The following CLIP3 variants were observed in gnomAD, a reference collection of about 807,000 sequenced individuals.
The protein encoded by CLIP3 is CAP-Gly domain-containing linker protein 3.
A neutral mutation model predicts 59.4 loss-of-function variants in CLIP3; 15 were observed. The ratio of observed to expected loss-of-function variants is 0.25; its 90% CI spans 0.17 to 0.39. The LOEUF is 0.39. CLIP3 is among the 10% of genes least tolerant of loss of function. The probability of loss-of-function intolerance (pLI) is 1.00; values close to 1 mark genes in which losing one functional copy is unlikely to be tolerated. For synonymous variants in CLIP3, 300 were observed against 321.6 expected (o/e 0.93, Z 0.72); for missense variants, 495 against 765.7 (o/e 0.65, Z 4.17).
intron 2 of CLIP3, among the ~76,000 whole-genome samples, chr19:36,031,810 T>A (rs559209953): frequency 6.6e-6 from 1 of 152,316 alleles, no homozygotes; most frequent in Admixed American, 6.5e-5. Flanking sequence ...ATGTGAAAAA[T>A]TACATTATGG....
chr19:36,029,675 C>T (rs973836387), intron 2 of CLIP3, among the ~76,000 whole-genome samples: 1 of 152,012 alleles, frequency 6.6e-6, no homozygotes, highest in African/African-American at 2.4e-5. Context: ...TCTCTTCTTC[C>T]CTCACTAGGA....
intron 7 of CLIP3, among the ~76,000 whole-genome samples, chr19:36,023,872 C>G (rs892725957): frequency 6.6e-6 from 1 of 152,082 alleles, no homozygotes; most frequent in Non-Finnish European, 1.5e-5. Context: ...AATTGGAGTC[C>G]CTGGATAAAT....
chr19:36,016,946 C>T lies in CLIP3; in HGVS notation c.1550G>A (p.Arg517Gln), dbSNP rs757632653. 1.1e-5 allele frequency: 18 copies of T among 1,613,846 alleles called. No individual in the cohort carries two copies. The highest frequency in any genetic ancestry group is 4.4e-5 in the South Asian group (4 of 91,048). Residue 517 changes from arginine to glutamine, a missense_variant, in exon 13 of 14, where the codon CGG (arginine) becomes CAG (glutamine). Coordinates refer to ENST00000360535, the MANE Select transcript of CLIP3 (RefSeq NM_015526.3). This position sits in a 1 kb window ranked among gnomAD's most constrained non-coding sequence, Gnocchi z 4.1. ...TQPKRTFTTV[R>Q]TPKDIASENS... ...CTCTGATGCAATGTCCTTTGGGGTCCGGACTGTGGTGAAGGTGCGTTTGGG... is the reference window on the plus strand; with the variant it reads ...CTCTGATGCAATGTCCTTTGGGGTCTGGACTGTGGTGAAGGTGCGTTTGGG...
chr19:36,017,768 A>G lies in CLIP3; in HGVS notation c.1338T>C (p.Tyr446=). The change falls in exon 11 of 14, where the codon TAT becomes TAC. Residue 446 remains tyrosine, a synonymous_variant. Transcript: ENST00000360535. ...GKTDFAPGYW[Y]GIELDQPTGK... ...CTGTGGGCTGGTCCAGCTCAATGCC[A>G]TACCAGTAACCTGCAGCACGAGGGT... is the stretch of plus-strand genomic sequence containing the variant. The G allele has an allele frequency of 6.2e-7, 1 of 1,614,136 alleles. No individual in the cohort carries two copies. Among genetic ancestry groups the G allele is most frequent in the Non-Finnish European group, 8.5e-7 (1 of 1,180,022 alleles).
Position 36,026,148 on chromosome 19 carries a change from C to T in CLIP3, c.680G>A (p.Arg227Lys), listed in dbSNP as rs750679119. 2.5e-6 allele frequency: 4 copies of T among 1,611,732 alleles called. No individual in the cohort carries two copies. The highest frequency in any genetic ancestry group is 3.4e-6 in the Non-Finnish European group (4 of 1,178,292). The change falls in exon 6 of 14, where the codon AGG becomes AAG. Residue 227 changes from arginine to lysine, a missense_variant and splice_region_variant. Physicochemically the swap from Arg to Lys is conservative, Grantham distance 26. This residue lies in a region of CLIP3 where 194 missense variants were observed against 327.8 expected (regional missense o/e 0.59). Transcript: ENST00000360535. The surrounding 1 kb of genome is among the most constrained non-coding windows in gnomAD (Gnocchi z 6.3). ...GGTTCTGGGCAAGGGTGGCAGTACC[C>T]TCAGCGCAGGGTTGGCGCCGTGCTC... ...LLEHGANPAL[R>K]NRKGQVPAEV...
intron 6 of CLIP3, 129 bp from the exon 7 acceptor site, chr19:36,024,761 T>C (rs938262529): frequency 2.3e-6 from 2 of 852,196 alleles, no homozygotes; most frequent in Admixed American, 2.7e-5. Context: ...TGGGCCAACC[T>C]GGGAATAAGA....
Position 36,017,736 on chromosome 19 carries a change from T to G in CLIP3, c.1370A>C (p.His457Pro). The G allele has an allele frequency of 6.2e-7, 1 of 1,614,100 alleles. No homozygotes were observed. Among genetic ancestry groups the G allele is most frequent in the Non-Finnish European group, 8.5e-7 (1 of 1,180,008 alleles). Residue 457 changes from histidine (H) to proline (P), a missense_variant, in exon 11 of 14, where the codon CAT becomes CCT. Transcript: ENST00000360535. ...GIELDQPTGK[H>P]DGSVFGVRYF... ...CCGGACACCGAAGACAGAGCCATCATGCTTGCCTGTGGGCTGGTCCAGCTC... is the reference window on the plus strand; with the variant it reads ...CCGGACACCGAAGACAGAGCCATCAGGCTTGCCTGTGGGCTGGTCCAGCTC...
chr19:36,026,200 A>T lies in CLIP3; in HGVS notation c.628T>A (p.Cys210Ser), dbSNP rs1969101642. The T allele has an allele frequency of 1.2e-6, 2 of 1,613,878 alleles. No individual in the cohort carries two copies. Among genetic ancestry groups the T allele is most frequent in the African/African-American group, 2.7e-5 (2 of 75,038 alleles). ...SALHIAASSL[C>S]LGAAKCLLEH... ...AGCAAACATTTGGCGGCGCCCAGGC[A>T]CAGGCTGGAAGCAGCGATGTGCAGG... The change falls in exon 6 of 14, where the codon TGC becomes AGC. Residue 210 changes from cysteine to serine, a missense_variant. By Grantham distance (112) the Cys-to-Ser change is moderately radical (BLOSUM62 -1). Around this residue, in one of 5 missense-constraint regions of CLIP3, gnomAD observed 194 missense variants for 327.8 expected, o/e 0.59. Transcript: ENST00000360535. This position sits in a 1 kb window ranked among gnomAD's most constrained non-coding sequence, Gnocchi z 6.3.
Position 36,017,825 on chromosome 19 carries a change from C to G in CLIP3, c.1327+23G>C, listed in dbSNP as rs202065926. 1,008 of 1,614,146 alleles carry G rather than the reference C, an allele frequency of 6.2e-4. 3 individuals are homozygous for G. The highest frequency in any genetic ancestry group is 3.1e-4 in the Non-Finnish European group (360 of 1,180,036). On this transcript the variant is annotated intron_variant, in intron 10 of 13. Coordinates refer to ENST00000360535, the MANE Select transcript of CLIP3 (RefSeq NM_015526.3). ...ATTTCTCAAGGCCCTGCCTGCCTCC[C>G]GGCCCAGAGTCCCCATCCTCACCTG...
At position 36,032,003 on chromosome 19, in the gene CLIP3, G is replaced by T; in HGVS notation, c.166+189C>A. The T allele has an allele frequency of 2.5e-6, 1 of 403,712 alleles. No homozygotes were observed. The highest frequency in any genetic ancestry group is 4.4e-6 in the Non-Finnish European group (1 of 225,334). The allele number at this position is 403,712 out of a possible 1,614,324, so 25.0% of individuals were successfully genotyped here. ...TGATGTGTCATGAGTCAAAGACTAGGAGTATTACAATTCCATTCTCCAATG... is the reference window on the plus strand; with the variant it reads ...TGATGTGTCATGAGTCAAAGACTAGTAGTATTACAATTCCATTCTCCAATG... On this transcript the variant is annotated intron_variant, in intron 2 of 13. Coordinates refer to ENST00000360535, the MANE Select transcript of CLIP3 (RefSeq NM_015526.3). The surrounding 1 kb of genome is among the most constrained non-coding windows in gnomAD (Gnocchi z 4.3).
In CLIP3 at chr19:36,026,348, C is replaced by A; in HGVS notation, c.563-83G>T. 7.6e-7 allele frequency: 1 copy of A among 1,319,280 alleles called. No homozygotes were observed. Among genetic ancestry groups the A allele is most frequent in the South Asian group, 1.2e-5 (1 of 80,792 alleles). 81.7% of individuals were successfully genotyped at this position (1,319,280 alleles called of 1,614,324 possible). On this transcript the variant is annotated intron_variant, in intron 5 of 13. Coordinates refer to ENST00000360535, the MANE Select transcript of CLIP3 (RefSeq NM_015526.3). The surrounding 1 kb of genome is among the most constrained non-coding windows in gnomAD (Gnocchi z 6.3). ...TCCCACCTCGGGGCTCATCTCTTAA[C>A]TTGCAGGTCCCAGAGCCTCCGACGC...
At chr19:36,029,306 CAA>C (rs774000215) in intron 2 of CLIP3, among the ~76,000 whole-genome samples, 3 of 120,048 alleles carry the variant, frequency 2.5e-5, no homozygotes, top group Non-Finnish European at 3.4e-5. Flanking sequence ...GAGTCCGTCT[CAA>C]AAAAAAAAAA....
At position 36,024,362 on chromosome 19, in the gene CLIP3, A is replaced by AATG. The variant is rs763385405; in HGVS notation, c.918+33_918+34insCAT. On this transcript the variant is annotated intron_variant, in intron 7 of 13. Transcript: ENST00000360535. ...GATTAAGGGGCTGAGTCCCACCCCC[A>AATG]CCCACCATGCAAACACACATCCCAG... 2.9e-6 allele frequency: 4 copies of AATG among 1,377,888 alleles called. No homozygotes were observed. In the African/African-American group the frequency reaches 5.7e-5, roughly 20 times the overall value. 85.4% of individuals were successfully genotyped at this position (1,377,888 alleles called of 1,614,324 possible). A position where few individuals can be genotyped will look rare whatever the true frequency, so the allele number is the denominator to read the frequency against.
chr19:36,024,671 C>T lies in CLIP3; in HGVS notation c.682-39G>A, dbSNP rs778525494. ...GGAAAAGAAGGCAGGGACTCAGTGG[C>T]ACAGGTCACACCCCCATGGAGGCCC... On this transcript the variant is annotated intron_variant, in intron 6 of 13. Coordinates refer to ENST00000360535, the MANE Select transcript of CLIP3 (RefSeq NM_015526.3). The T allele has an allele frequency of 5.0e-6, 8 of 1,587,078 alleles. No homozygotes were observed. The South Asian group carries it at 8.9e-5, about 18-fold the overall frequency.
At chr19:36,028,525 G>A (rs1408958362) in intron 2 of CLIP3, among the ~76,000 whole-genome samples, 1 of 152,194 alleles carries the variant, frequency 6.6e-6, no homozygotes, top group Non-Finnish European at 1.5e-5. Flanking sequence ...CAGGAACTCA[G>A]TGCGTGGTGA....
chr19:36,017,136 C>T (rs1968818503), intron 12 of CLIP3, among the ~76,000 whole-genome samples, 157 bp from the exon 13 acceptor site: 1 of 152,144 alleles, frequency 6.6e-6, no homozygotes, highest in Non-Finnish European at 1.5e-5. Context: ...TCCATAATTC[C>T]CACCATGTCC....
At position 36,023,344 on chromosome 19, in the gene CLIP3, C is replaced by G. The variant is rs550479925; in HGVS notation, c.918+1052G>C. The stretch of plus-strand genomic sequence containing the variant: ...CCGCCCTTCCCATAACTCCCCTCGT[C>G]AACACTGCCCCTTCCTGCCTCTGGG... On this transcript the variant is annotated intron_variant, in intron 7 of 13. Transcript: ENST00000360535. Among the ~76,000 whole-genome samples, 6 of 152,268 alleles carry G rather than the reference C, an allele frequency of 3.9e-5. No individual in the cohort carries two copies. In the South Asian group the frequency reaches 1.2e-3, roughly 32 times the overall value.
chr19:36,030,695 G>A (rs1969230659), intron 2 of CLIP3, among the ~76,000 whole-genome samples: 2 of 152,198 alleles, frequency 1.3e-5, no homozygotes, highest in African/African-American at 4.8e-5. Context: ...AGTCCTCACT[G>A]TAGCCTTGAA....
At position 36,032,149 on chromosome 19, in the gene CLIP3, C is replaced by T. The variant is rs764914255; in HGVS notation, c.166+43G>A. ...GAGCACAGCCCACCCTCCCCGGCCACCCAACGCTCCAGGCCAGATTCCAGG... is the reference window on the plus strand; with the variant it reads ...GAGCACAGCCCACCCTCCCCGGCCATCCAACGCTCCAGGCCAGATTCCAGG... On this transcript the variant is annotated intron_variant, in intron 2 of 13. Coordinates refer to ENST00000360535, the MANE Select transcript of CLIP3 (RefSeq NM_015526.3). The surrounding 1 kb of genome is among the most constrained non-coding windows in gnomAD (Gnocchi z 4.3). 50 of 1,156,340 alleles carry T rather than the reference C, an allele frequency of 4.3e-5. No individual in the cohort carries two copies. The highest frequency in any genetic ancestry group is 1.7e-4 in the Admixed American group (4 of 23,670). The allele number at this position is 1,156,340 out of a possible 1,614,324, so 71.6% of individuals were successfully genotyped here.
Sources: gnomAD v4.1 joint callset for allele counts (sites outside exome capture counted in the v4.1 genomes callset) on GRCh38, gnomAD v4.1.1 for gene constraint, gnomAD v4.1.1 regional missense constraint, Gnocchi (gnomAD v3.1) non-coding constraint, MANE v1.5 for transcripts, NCBI Gene and HGNC (gene_info 2026-07-23, HGNC 2026-07-21) for gene names.